DPM2: variants seen among roughly 807,000 people sequenced by gnomAD.
DPM2 encodes the protein dolichyl-phosphate mannosyltransferase subunit 2, regulatory, also known as dolichol phosphate-mannose biosynthesis regulatory protein.
In DPM2, 8 loss-of-function variants were observed where a neutral mutation model predicts 12.1. The ratio of observed to expected loss-of-function variants is 0.66; its 90% confidence interval spans 0.39 to 1.19. The LOEUF is 1.19. Ranked by LOEUF, DPM2 falls within the 50% of genes most tolerant of loss-of-function variation. DPM2 has a pLI of 0.01. For missense variants in DPM2, 93 were observed against 102.5 expected (o/e 0.91, Z 0.40); for synonymous variants, 38 against 44.7 (o/e 0.85, Z 0.60).
intron 2 of DPM2, chr9:127,937,119 C>A: frequency 3.2e-6 from 1 of 308,856 alleles, no homozygotes; most frequent in Non-Finnish European, 5.9e-6. Context: ...ATATCACTGG[C>A]GTTTGCCATG....
At chr9:127,936,475 CA>C in intron 3 of DPM2, 77 bp downstream of exon 3, 2 of 1,610,780 alleles carry the variant, frequency 1.2e-6, no homozygotes, top group Non-Finnish European at 1.7e-6. Context: ...CCAGCACCGC[CA>C]AAGTGTGGAA....
chr9:127,936,201 C>G, intron 3 of DPM2: 1 of 1,255,248 alleles, frequency 8.0e-7, no homozygotes, highest in Non-Finnish European at 1.1e-6. Context: ...GTGCCACAGC[C>G]TGTTCTAGAT....
At chr9:127,936,090 A>C in intron 3 of DPM2, 1 of 599,238 alleles carries the variant, frequency 1.7e-6, no homozygotes. Context: ...ATACCTACCC[A>C]CCTCCTCCTA....
At chr9:127,936,793 C>CCGTA in intron 2 of DPM2, 138 bp from the exon 3 acceptor site, 1 of 693,026 alleles carries the variant, frequency 1.4e-6, no homozygotes, top group Non-Finnish European at 2.1e-6. Flanking sequence ...AAGATTACGG[C>CCGTA]ATTTGGGTGT....
chr9:127,936,159 C>A, intron 3 of DPM2: 1 of 930,734 alleles, frequency 1.1e-6, no homozygotes, highest in Non-Finnish European at 1.6e-6. Flanking sequence ...TGTTGACTGA[C>A]TCATCCAAAT....
chr9:127,936,535 GAGGAGGT>G lies in DPM2; in HGVS notation c.196+11_196+17del, dbSNP rs1564141422. ...CCGAAACCCTGCCCAGGGTCAAGGG[GAGGAGGT>G]GATGACTTACCCACAAACAGGAGCA... is the stretch of plus-strand genomic sequence containing the variant. On this transcript the variant is annotated intron_variant, in intron 3 of 3. Coordinates refer to ENST00000314392, the MANE Select transcript of DPM2 (RefSeq NM_003863.4). The G allele has an allele frequency of 6.2e-7, 1 of 1,601,812 alleles. No homozygotes were observed. The highest frequency in any genetic ancestry group is 2.3e-5 in the East Asian group (1 of 44,190).
Position 127,935,579 on chromosome 9 carries a change from A to G in DPM2, c.*143T>C. On this transcript the variant is annotated 3_prime_UTR_variant, in exon 4 of 4. Coordinates refer to ENST00000314392, the MANE Select transcript of DPM2 (RefSeq NM_003863.4). ...GAGGGGGCTCCAGTCAGTCAGGTGT[A>G]AGCTCCATGCCATGGGGACTCTGCA... 1 of 818,276 alleles carries G rather than the reference A, an allele frequency of 1.2e-6. No homozygotes were observed. Among genetic ancestry groups the G allele is most frequent in the Non-Finnish European group, 2.0e-6 (1 of 496,766 alleles). 50.7% of individuals were successfully genotyped at this position (818,276 alleles called of 1,614,324 possible). A position where few individuals can be genotyped will look rare whatever the true frequency, so the allele number is the denominator to read the frequency against.
rs773924127 is a variant in DPM2, at chr9:127,937,417, C to T, written c.93+17G>A. 7.5e-6 allele frequency: 12 copies of T among 1,602,686 alleles called. 1 individual carries two copies. The highest frequency in any genetic ancestry group is 6.7e-5 in the African/African-American group (5 of 74,612). On this transcript the variant is annotated intron_variant, in intron 2 of 3. Transcript: ENST00000314392. ...GGGCTCGGGGAAGGTGAGCAGCGGA[C>T]GGGGAGAATGACATACCAAGAGAAT...
intron 2 of DPM2, chr9:127,937,206 G>A: frequency 2.3e-6 from 1 of 436,410 alleles, no homozygotes; most frequent in Admixed American, 3.9e-5. Flanking sequence ...AGAGTTATAA[G>A]TGTAGCGGCT....
chr9:127,936,212 G>A, intron 3 of DPM2: 1 of 1,300,546 alleles, frequency 7.7e-7, no homozygotes. Flanking sequence ...TGTTCTAGAT[G>A]TGCAGTAATG....
At position 127,935,266 on chromosome 9, in the gene DPM2, C is replaced by A. The variant is rs1402152549; in HGVS notation, c.*456G>T. On this transcript the variant is annotated 3_prime_UTR_variant, in exon 4 of 4. Transcript: ENST00000314392. The stretch of plus-strand genomic sequence containing the variant: ...CAGTCCTTCCCCAGGCTTTCCAGGT[C>A]CAGAAGGCTTTGTGGGGTCTGGGGC... 1 of 217,342 alleles carries A rather than the reference C, an allele frequency of 4.6e-6. No homozygotes were observed. Among genetic ancestry groups the A allele is most frequent in the African/African-American group, 2.3e-5 (1 of 42,574 alleles). The allele number at this position is 217,342 out of a possible 1,614,324, so 13.5% of individuals were successfully genotyped here.
chr9:127,935,327 A>C lies in DPM2; in HGVS notation c.*395T>G. The C allele has an allele frequency of 3.5e-6, 1 of 287,172 alleles. No homozygotes were observed. Among genetic ancestry groups the C allele is most frequent in the Non-Finnish European group, 6.8e-6 (1 of 146,440 alleles). The allele number at this position is 287,172 out of a possible 1,614,324, so 17.8% of individuals were successfully genotyped here. The stretch of plus-strand genomic sequence containing the variant: ...TAAGGAAAGCTGCCTTGGTGGAGGA[A>C]GAGAAGTCAGAGAGGTCACACATGT... On this transcript the variant is annotated 3_prime_UTR_variant, in exon 4 of 4. Coordinates refer to ENST00000314392, the MANE Select transcript of DPM2 (RefSeq NM_003863.4).
chr9:127,936,132 T>C, intron 3 of DPM2: 1 of 630,696 alleles, frequency 1.6e-6, no homozygotes, highest in Non-Finnish European at 2.5e-6. Context: ...CATCCACCCA[T>C]CATCCAGGCA....
At chr9:127,935,917 C>G in intron 3 of DPM2, 137 bp from the exon 4 acceptor site, 1 of 762,614 alleles carries the variant, frequency 1.3e-6, no homozygotes, top group Non-Finnish European at 2.2e-6. Flanking sequence ...CTGCTTATCT[C>G]CCTAGTCATT....
intron 3 of DPM2, chr9:127,936,079 C>T (rs990087483): frequency 1.7e-5 from 10 of 594,064 alleles, no homozygotes; most frequent in Middle Eastern, 4.5e-4. Flanking sequence ...TGTCCACCTA[C>T]ATACCTACCC....
At chr9:127,937,572 G>A (rs1413119017) in intron 1 of DPM2, 49 bp from the exon 2 acceptor site, 1 of 1,504,152 alleles carries the variant, frequency 6.6e-7, no homozygotes, top group East Asian at 2.3e-5. Flanking sequence ...CTATTTCGGC[G>A]CACTAATGGA....
chr9:127,937,516 C>T lies in DPM2; in HGVS notation c.11G>A (p.Gly4Glu). 1 of 1,612,928 alleles carries T rather than the reference C, an allele frequency of 6.2e-7. No individual in the cohort carries two copies. Among genetic ancestry groups the T allele is most frequent in the Non-Finnish European group, 8.5e-7 (1 of 1,179,396 alleles). The change falls in exon 2 of 4, where the codon GGG (glycine) becomes GAG (glutamate). Residue 4 changes from glycine to glutamate, a missense_variant. Transcript: ENST00000314392. ...GCCGAGTCCCACCACCTGGTCTGTC[C>T]CCGTGGCCTGGAGAAAAGGGAGGTC... MATGTDQVVGLGLV... is the reference protein window; with the variant it reads MATETDQVVGLGLV...
At chr9:127,936,787 T>C in intron 2 of DPM2, 132 bp from the exon 3 acceptor site, 1 of 742,626 alleles carries the variant, frequency 1.3e-6, no homozygotes, top group East Asian at 3.3e-5. Context: ...TTCTTTAAGA[T>C]TACGGCATTT....
intron 3 of DPM2, 189 bp downstream of exon 3, chr9:127,936,364 G>A: frequency 6.5e-7 from 1 of 1,536,180 alleles, no homozygotes; most frequent in Non-Finnish European, 8.8e-7. Flanking sequence ...GGTCATTGGA[G>A]TCCAAAAAGC....
Sources: gnomAD v4.1 joint callset for allele counts on GRCh38, gnomAD v4.1.1 for gene constraint, MANE v1.5 for transcripts, NCBI Gene and HGNC (gene_info 2026-07-23, HGNC 2026-07-21) for gene names.